The following CLSTN2 variants were observed in gnomAD, a reference collection of about 807,000 sequenced individuals.
The protein encoded by CLSTN2 is calsyntenin-2.
A neutral mutation model predicts 101.2 loss-of-function variants in CLSTN2; 48 were observed. The observed-to-expected ratio is 0.47, with a 90% CI of 0.38 to 0.60. CLSTN2 has a LOEUF of 0.60. Among genes scored for constraint, CLSTN2 ranks in the 20% least tolerant of loss-of-function variants. The probability of loss-of-function intolerance (pLI) is 0.00; values close to 1 mark genes in which losing one functional copy is unlikely to be tolerated. For missense variants in CLSTN2, 1,160 were observed against 1,238.2 expected (o/e 0.94, Z 0.95); for synonymous variants, 481 against 463.6 (o/e 1.04, Z -0.48).
chr3:140,121,151 C>T (rs188506179), intron 1 of CLSTN2, among the ~76,000 whole-genome samples: 21 of 152,260 alleles, frequency 1.4e-4, no homozygotes, highest in East Asian at 3.9e-4. Flanking sequence ...ACCACCCCTG[C>T]GCTAGAAATG....
chr3:140,001,785 A>G (rs980896751), intron 1 of CLSTN2, among the ~76,000 whole-genome samples: 7 of 151,466 alleles, frequency 4.6e-5, no homozygotes, highest in Admixed American at 3.9e-4. Context: ...ACCCATCCCA[A>G]CCTCTGGTAA....
intron 1 of CLSTN2, among the ~76,000 whole-genome samples, chr3:140,152,539 A>T (rs1488144908): frequency 6.6e-6 from 1 of 152,218 alleles, no homozygotes; most frequent in African/African-American, 2.4e-5. Context: ...ACCCTCCAAT[A>T]CCTGGCATAG....
At chr3:140,015,179 A>G (rs2007176323) in intron 1 of CLSTN2, among the ~76,000 whole-genome samples, 1 of 152,298 alleles carries the variant, frequency 6.6e-6, no homozygotes, top group African/African-American at 2.4e-5. Context: ...AGGGACTACT[A>G]GCAAATCTGC....
intron 2 of CLSTN2, among the ~76,000 whole-genome samples, chr3:140,367,074 T>C (rs1031888414): frequency 1.3e-5 from 2 of 152,172 alleles, no homozygotes; most frequent in Admixed American, 1.3e-4. Flanking sequence ...CCTCCCACGC[T>C]ATGCTGGATG....
At chr3:140,551,197 T>C (rs1420141170) in intron 10 of CLSTN2, among the ~76,000 whole-genome samples, 4 of 151,486 alleles carry the variant, frequency 2.6e-5, no homozygotes, top group African/African-American at 9.7e-5. Context: ...ATGTCATTTC[T>C]GAATAATGAC....
intron 2 of CLSTN2, among the ~76,000 whole-genome samples, chr3:140,230,182 C>T (rs1020701820): frequency 5.3e-5 from 8 of 151,974 alleles, no homozygotes; most frequent in East Asian, 3.9e-4. Flanking sequence ...GGAAAGAGGC[C>T]GTTTTGGCAT....
intron 2 of CLSTN2, among the ~76,000 whole-genome samples, chr3:140,263,449 T>C (rs561905827): frequency 2.0e-5 from 3 of 152,278 alleles, no homozygotes; most frequent in African/African-American, 7.2e-5. Flanking sequence ...TGGGGTTCAC[T>C]GGTTGCTCAC....
chr3:140,323,271 T>G (rs1576515609), intron 2 of CLSTN2, among the ~76,000 whole-genome samples: 1 of 152,330 alleles, frequency 6.6e-6, no homozygotes, highest in Non-Finnish European at 1.5e-5. Context: ...GTCAGGGAAC[T>G]TGGATTCTAG....
intron 2 of CLSTN2, among the ~76,000 whole-genome samples, chr3:140,294,564 CTTTT>C (rs768868571): frequency 7.1e-6 from 1 of 140,998 alleles, no homozygotes. Flanking sequence ...TCCCCAATGT[CTTTT>C]TTTTTTTTTT....
At chr3:140,304,409 G>C (rs954580995) in intron 2 of CLSTN2, among the ~76,000 whole-genome samples, 3 of 152,192 alleles carry the variant, frequency 2.0e-5, no homozygotes, top group African/African-American at 7.2e-5. Context: ...AACTGATTCA[G>C]CTCCTGGTGA....
chr3:140,003,440 G>GAT (rs1172547433), intron 1 of CLSTN2, among the ~76,000 whole-genome samples: 1 of 152,058 alleles, frequency 6.6e-6, no homozygotes, highest in Admixed American at 6.5e-5. Flanking sequence ...AGTTTTAATA[G>GAT]CTTTTTGTGG....
At chr3:140,205,622 C>CA (rs58835697) in intron 2 of CLSTN2, among the ~76,000 whole-genome samples, 3,632 of 99,286 alleles carry the variant, frequency 0.037, 363 homozygotes, top group African/African-American at 0.13. Context: ...TGACCCGCCC[C>CA]CCACCCACAC....
chr3:140,404,365 G>C (rs561459455), intron 3 of CLSTN2, among the ~76,000 whole-genome samples, 193 bp from the exon 4 acceptor site: 30 of 152,336 alleles, frequency 2.0e-4, no homozygotes, highest in African/African-American at 7.0e-4. Flanking sequence ...ATTCATCTCA[G>C]AGCGTCAGAG....
At chr3:140,511,096 A>G (rs955508759) in intron 8 of CLSTN2, among the ~76,000 whole-genome samples, 2 of 152,148 alleles carry the variant, frequency 1.3e-5, no homozygotes, top group Non-Finnish European at 2.9e-5. Flanking sequence ...GCTCCCACTT[A>G]TAAGTGAGAA....
chr3:140,320,686 A>C (rs955381493), intron 2 of CLSTN2, among the ~76,000 whole-genome samples: 83 of 151,932 alleles, frequency 5.5e-4, no homozygotes, highest in African/African-American at 2.0e-3. Flanking sequence ...TGTATTGACT[A>C]TTGACTCCCC....
intron 2 of CLSTN2, among the ~76,000 whole-genome samples, chr3:140,335,899 C>G (rs73228932): frequency 1.9e-3 from 286 of 152,214 alleles, no homozygotes; most frequent in Non-Finnish European, 3.6e-3. Flanking sequence ...TCCCTAATGG[C>G]CTTCTTTCAT....
intron 2 of CLSTN2, among the ~76,000 whole-genome samples, chr3:140,269,330 C>G (rs111259927): frequency 6.6e-6 from 1 of 152,146 alleles, no homozygotes; most frequent in Non-Finnish European, 1.5e-5. Flanking sequence ...CCAAATGAAC[C>G]GAGCTGAACA....
chr3:140,478,155 T>C (rs1934027519), intron 8 of CLSTN2, among the ~76,000 whole-genome samples: 1 of 152,204 alleles, frequency 6.6e-6, no homozygotes. Context: ...TGTTCACCTT[T>C]TTAATTTTTA....
At chr3:139,937,190 G>T (rs1199964184) in intron 1 of CLSTN2, among the ~76,000 whole-genome samples, 1 of 152,160 alleles carries the variant, frequency 6.6e-6, no homozygotes, top group African/African-American at 2.4e-5. Context: ...TTGAAGGAGG[G>T]TGAGAAGCAC....
Sources: gnomAD v4.1 joint callset for allele counts (sites outside exome capture counted in the v4.1 genomes callset) on GRCh38, gnomAD v4.1.1 for gene constraint, MANE v1.5 for transcripts, NCBI Gene and HGNC (gene_info 2026-07-23, HGNC 2026-07-21) for gene names.